Variants in NRXN1 observed in about 807,000 individuals in gnomAD.
NRXN1 encodes the protein neurexin 1.
Under a neutral mutation model 150.9 loss-of-function variants are expected in NRXN1, and 39 were observed. That is an observed-to-expected ratio of 0.26 (90% confidence interval 0.20 to 0.34). The LOEUF is 0.34. Among genes scored for constraint, NRXN1 ranks in the 10% least tolerant of loss-of-function variants. The pLI, the probability that NRXN1 is intolerant of heterozygous loss-of-function variation, is 1.00. For synonymous variants in NRXN1, 924 were observed against 757.0 expected, an observed-to-expected ratio of 1.22 and a Z score of -3.62; for missense variants, 1,815 against 1,949.9, an observed-to-expected ratio of 0.93 and a Z score of 1.30.
At position 50,137,302 on chromosome 2, in the gene NRXN1, G is replaced by A. The variant is rs375221951; in HGVS notation, c.3547-45808C>T. Among the ~76,000 whole-genome samples, 6 of 152,188 alleles carry A rather than the reference G, an allele frequency of 3.9e-5. No individual in the cohort carries two copies. In the South Asian group the frequency reaches 1.0e-3, roughly 26 times the overall value. ...CAGTGATGCAAATGGTGTTCACCAA[G>A]CGCATACTCTTAGTTGGTGAGCATC... On this transcript the variant is annotated intron_variant, in intron 18 of 22. Coordinates refer to ENST00000401669, the MANE Select transcript of NRXN1 (RefSeq NM_001330078.2).
At chr2:50,700,388 C>T (rs537137094) in intron 5 of NRXN1, among the ~76,000 whole-genome samples, 7 of 152,094 alleles carry the variant, frequency 4.6e-5, no homozygotes, top group Admixed American at 4.6e-4. Context: ...GGGCCAATGG[C>T]AATTTTTCTG....
intron 5 of NRXN1, among the ~76,000 whole-genome samples, chr2:50,728,706 G>A (rs1188261636): frequency 6.6e-6 from 1 of 152,120 alleles, no homozygotes; most frequent in Non-Finnish European, 1.5e-5. Flanking sequence ...CAAAACAACA[G>A]CTGAGCACTT....
At chr2:50,371,215 C>T (rs903720937) in intron 17 of NRXN1, among the ~76,000 whole-genome samples, 3 of 151,958 alleles carry the variant, frequency 2.0e-5, no homozygotes, top group African/African-American at 7.2e-5. Flanking sequence ...GTCTAACTCC[C>T]ACACAAACCT....
chr2:50,576,606 G>C (rs1353090111), intron 8 of NRXN1, among the ~76,000 whole-genome samples: 2 of 151,834 alleles, frequency 1.3e-5, no homozygotes, highest in Non-Finnish European at 2.9e-5. Context: ...TTAATTACCA[G>C]ACACACACAA....
intron 17 of NRXN1, among the ~76,000 whole-genome samples, chr2:50,264,914 T>C (rs1008809408): frequency 1.3e-5 from 2 of 152,076 alleles, no homozygotes; most frequent in Admixed American, 6.6e-5. Context: ...ACTAATCACA[T>C]GTGAAATTAA....
At chr2:50,897,686 A>G (rs72823558) in intron 5 of NRXN1, among the ~76,000 whole-genome samples, 1 of 152,072 alleles carries the variant, frequency 6.6e-6, no homozygotes. Context: ...GGTGATTCCA[A>G]TTAAACAAAA....
chr2:50,540,336 GA>G (rs1375123101), intron 9 of NRXN1, among the ~76,000 whole-genome samples: 1 of 152,112 alleles, frequency 6.6e-6, no homozygotes, highest in Non-Finnish European at 1.5e-5. Context: ...GAACATATGG[GA>G]ACCATAAAAT....
chr2:50,855,886 C>T (rs964861321), intron 5 of NRXN1, among the ~76,000 whole-genome samples: 4 of 151,940 alleles, frequency 2.6e-5, no homozygotes, highest in Admixed American at 6.6e-5. Context: ...GGAAAAAGTA[C>T]GGTTAAACAA....
At chr2:50,337,987 C>T (rs970702248) in intron 17 of NRXN1, among the ~76,000 whole-genome samples, 2 of 152,186 alleles carry the variant, frequency 1.3e-5, no homozygotes, top group African/African-American at 4.8e-5. Flanking sequence ...CAGGAGTGTT[C>T]CACTTTTAGT....
chr2:50,495,055 T>TA (rs1403940420), intron 15 of NRXN1, among the ~76,000 whole-genome samples: 1 of 150,984 alleles, frequency 6.6e-6, no homozygotes, highest in Non-Finnish European at 1.5e-5. Context: ...AAAAGAGAGT[T>TA]AAATTTTCTC....
At chr2:50,432,300 G>C (rs2085037069) in intron 17 of NRXN1, 1 of 152,116 alleles carries the variant, frequency 6.6e-6, no homozygotes. Flanking sequence ...ATTCTTTAAT[G>C]CCTTTATTCT....
chr2:50,532,395 C>T (rs1031939294), intron 10 of NRXN1, among the ~76,000 whole-genome samples: 9 of 151,546 alleles, frequency 5.9e-5, no homozygotes, highest in African/African-American at 2.2e-4. Context: ...AGGAACTAGG[C>T]CAATACTTTA....
intron 21 of NRXN1, among the ~76,000 whole-genome samples, chr2:49,955,666 C>A (rs1674798557): frequency 6.6e-6 from 1 of 151,772 alleles, no homozygotes. Flanking sequence ...TACAAACTCT[C>A]TTGCAATAGT....
chr2:50,415,572 C>T (rs2083476710), intron 17 of NRXN1, among the ~76,000 whole-genome samples: 1 of 152,122 alleles, frequency 6.6e-6, no homozygotes, highest in South Asian at 2.1e-4. Context: ...TTCAGATCCA[C>T]AGCATATTAG....
At chr2:49,930,510 T>C (rs116510077) in intron 22 of NRXN1, among the ~76,000 whole-genome samples, 1,869 of 152,346 alleles carry the variant, frequency 0.012, 36 homozygotes, top group African/African-American at 0.041. Flanking sequence ...TGATTGTTAT[T>C]AGAAAGTAAT....
chr2:50,498,753 G>T (rs924615680), intron 13 of NRXN1, among the ~76,000 whole-genome samples: 1 of 152,144 alleles, frequency 6.6e-6, no homozygotes, highest in East Asian at 1.9e-4. Context: ...ACTTGTATCA[G>T]TACCAGTGAT....
chr2:50,402,731 C>G (rs909715420), intron 17 of NRXN1, among the ~76,000 whole-genome samples: 7 of 152,066 alleles, frequency 4.6e-5, no homozygotes, highest in East Asian at 1.9e-4. Context: ...TTGTTTTATG[C>G]GTGAAGAATC....
intron 2 of NRXN1, among the ~76,000 whole-genome samples, chr2:51,021,130 A>G (rs1467334492): frequency 6.6e-6 from 1 of 152,048 alleles, no homozygotes; most frequent in African/African-American, 2.4e-5. Context: ...AGATTTTTGC[A>G]TACTGTTTTT....
chr2:51,000,930 G>C (rs1456279214), intron 2 of NRXN1, among the ~76,000 whole-genome samples: 1 of 151,936 alleles, frequency 6.6e-6, no homozygotes, highest in African/African-American at 2.4e-5. Context: ...ACACATGCCT[G>C]GTTTCTGACC....
Sources: gnomAD v4.1 joint callset for allele counts (sites outside exome capture counted in the v4.1 genomes callset) on GRCh38, gnomAD v4.1.1 for gene constraint, MANE v1.5 for transcripts, NCBI Gene and HGNC (gene_info 2026-07-23, HGNC 2026-07-21) for gene names.